Variants in CRADD observed in about 807,000 individuals in gnomAD.
CRADD encodes death domain-containing protein CRADD.
A neutral mutation model predicts 15.5 loss-of-function variants in CRADD; 9 were observed. The ratio of observed to expected loss-of-function variants is 0.58; its 90% CI spans 0.35 to 1.01. The LOEUF (loss-of-function observed/expected upper bound fraction) is 1.01, where lower values mean the gene tolerates loss of function less well. Among genes scored for constraint, CRADD ranks in the 50% least tolerant of loss-of-function variants. The pLI is 0.02. For missense variants in CRADD, 227 were observed against 250.3 expected (o/e 0.91, Z 0.63); for synonymous variants, 118 against 107.6 (o/e 1.10, Z -0.60).
At chr12:93,800,279 G>T (rs1957463080) in intron 2 of CRADD, among the ~76,000 whole-genome samples, 1 of 152,166 alleles carries the variant, frequency 6.6e-6, no homozygotes, top group Non-Finnish European at 1.5e-5. Context: ...GAAGAGTGCT[G>T]TTGCCCAAAT....
At chr12:93,848,115 ATTTCT>A (rs1239479289) in intron 2 of CRADD, among the ~76,000 whole-genome samples, 1 of 151,014 alleles carries the variant, frequency 6.6e-6, no homozygotes, top group Admixed American at 6.6e-5. Flanking sequence ...ATATTGGATG[ATTTCT>A]TTTCTTCTTT....
intron 2 of CRADD, among the ~76,000 whole-genome samples, chr12:93,755,309 A>G (rs920186149): frequency 6.6e-6 from 1 of 152,150 alleles, no homozygotes; most frequent in South Asian, 2.1e-4. Flanking sequence ...TATCCCTCAC[A>G]AAGGAGTGGT....
intron 2 of CRADD, among the ~76,000 whole-genome samples, chr12:93,856,626 G>C (rs1171098640): frequency 6.6e-6 from 1 of 152,150 alleles, no homozygotes; most frequent in African/African-American, 2.4e-5. Flanking sequence ...TTGACAAATG[G>C]CTCTCCTTGC....
chr12:93,767,903 T>C (rs2136957024), intron 2 of CRADD, among the ~76,000 whole-genome samples: 1 of 152,230 alleles, frequency 6.6e-6, no homozygotes, highest in East Asian at 1.9e-4. Flanking sequence ...CAAAAACTCC[T>C]TCAATTAAGA....
chr12:93,745,920 A>G (rs1956741551), intron 2 of CRADD, among the ~76,000 whole-genome samples: 1 of 152,178 alleles, frequency 6.6e-6, no homozygotes, highest in Non-Finnish European at 1.5e-5. Context: ...CCTTATTACA[A>G]AAAGATATTG....
intron 2 of CRADD, among the ~76,000 whole-genome samples, chr12:93,682,876 C>T (rs1022432547): frequency 1.1e-4 from 17 of 152,096 alleles, no homozygotes; most frequent in Non-Finnish European, 2.5e-4. Flanking sequence ...GTTTTTCTCA[C>T]CCTGTAAGGA....
chr12:93,796,094 T>TA (rs1190160124), intron 2 of CRADD, among the ~76,000 whole-genome samples: 3 of 152,202 alleles, frequency 2.0e-5, no homozygotes, highest in African/African-American at 7.2e-5. Flanking sequence ...TCTATGTCTA[T>TA]TTTATCAAGT....
At chr12:93,692,379 G>A (rs1955595599) in intron 2 of CRADD, among the ~76,000 whole-genome samples, 1 of 152,138 alleles carries the variant, frequency 6.6e-6, no homozygotes, top group Admixed American at 6.5e-5. Flanking sequence ...GAAGGTCAAA[G>A]TCTCTAATTA....
At chr12:93,734,017 G>A (rs780448511) in intron 2 of CRADD, among the ~76,000 whole-genome samples, 6 of 152,084 alleles carry the variant, frequency 3.9e-5, no homozygotes, top group Non-Finnish European at 7.4e-5. Flanking sequence ...GATTACAGGC[G>A]TGAGCCACCT....
rs181230815 is a variant in CRADD, at chr12:93,894,158, C to T, written c.*41C>T. Reference sequence around the variant, plus strand: ...TCTCTGCCATCACCCCAGACCCTACCCTCTTTCCTCTACACCAGTGGTTCT... The same window carrying T: ...TCTCTGCCATCACCCCAGACCCTACTCTCTTTCCTCTACACCAGTGGTTCT... On this transcript the variant is annotated 3_prime_UTR_variant, in exon 3 of 3. Coordinates refer to the CRADD transcript ENST00000548483. 5.7e-6 allele frequency: 4 copies of T among 702,360 alleles called. No individual in the cohort carries two copies. The East Asian group carries it at 8.0e-5, about 14-fold the overall frequency. The allele number at this position is 702,360 out of a possible 1,614,324, so 43.5% of individuals were successfully genotyped here.
intron 2 of CRADD, among the ~76,000 whole-genome samples, chr12:93,686,532 C>G (rs886413743): frequency 6.6e-6 from 1 of 152,008 alleles, no homozygotes; most frequent in African/African-American, 2.4e-5. Context: ...AATTTATGCC[C>G]AGTGATAGGA....
At chr12:93,882,701 T>A (rs1217528034) in intron 2 of CRADD, among the ~76,000 whole-genome samples, 1 of 152,174 alleles carries the variant, frequency 6.6e-6, no homozygotes, top group Admixed American at 6.5e-5. Flanking sequence ...AACTTTTCAA[T>A]ACCTATACAT....
At chr12:93,789,804 A>G (rs901876752) in intron 2 of CRADD, among the ~76,000 whole-genome samples, 2 of 152,198 alleles carry the variant, frequency 1.3e-5, no homozygotes, top group African/African-American at 2.4e-5. Flanking sequence ...TTATGCTGAA[A>G]GAAGGGAAAA....
intron 2 of CRADD, among the ~76,000 whole-genome samples, chr12:93,787,305 G>GT (rs34146137): frequency 0.012 from 1,543 of 124,564 alleles, 15 homozygotes; most frequent in African/African-American, 0.022. Flanking sequence ...GTATGACAGG[G>GT]TTTTTTTTTT....
chr12:93,809,258 A>G (rs1221910206), intron 2 of CRADD, among the ~76,000 whole-genome samples: 1 of 152,234 alleles, frequency 6.6e-6, no homozygotes, highest in African/African-American at 2.4e-5. Context: ...GTGTTTTAAT[A>G]TAAAATGTTT....
chr12:93,821,107 A>C (rs547065307), intron 2 of CRADD, among the ~76,000 whole-genome samples: 1 of 152,334 alleles, frequency 6.6e-6, no homozygotes, highest in African/African-American at 2.4e-5. Flanking sequence ...ACACTATTAA[A>C]ACAGAGATTT....
intron 2 of CRADD, among the ~76,000 whole-genome samples, chr12:93,782,991 G>A (rs1957228915): frequency 6.6e-6 from 1 of 152,000 alleles, no homozygotes; most frequent in South Asian, 2.1e-4. Flanking sequence ...TGTTATGTAT[G>A]GAAAATTCAC....
intron 2 of CRADD, among the ~76,000 whole-genome samples, chr12:93,745,269 AC>A (rs1956732662): frequency 6.6e-6 from 1 of 152,228 alleles, no homozygotes; most frequent in Admixed American, 6.5e-5. Flanking sequence ...TAACTGGACA[AC>A]TATTCAGAAG....
intron 2 of CRADD, among the ~76,000 whole-genome samples, chr12:93,858,594 C>G (rs1348168410): frequency 1.3e-5 from 2 of 152,226 alleles, no homozygotes; most frequent in Non-Finnish European, 2.9e-5. Context: ...AGCAAAGTCT[C>G]TCTCTGACCT....
Sources: allele counts gnomAD v4.1 joint callset (sites outside exome capture counted in the v4.1 genomes callset), GRCh38; gene constraint gnomAD v4.1.1; transcripts MANE v1.5; gene names NCBI Gene and HGNC (gene_info 2026-07-23, HGNC 2026-07-21).